Variants in FGD4 observed in about 807,000 individuals in gnomAD.
FGD4 encodes FYVE, RhoGEF and PH domain-containing protein 4.
Under a neutral mutation model 102.0 loss-of-function variants are expected in FGD4, and 42 were observed. The ratio of observed to expected loss-of-function variants is 0.41; its 90% confidence interval spans 0.32 to 0.53. The LOEUF (loss-of-function observed/expected upper bound fraction) is 0.53, where lower values mean the gene tolerates loss of function less well. Ranked by LOEUF, FGD4 falls within the 20% of genes least tolerant of loss-of-function variation. The pLI is 0.21. For synonymous variants in FGD4, 380 were observed against 375.7 expected (o/e 1.01, Z -0.13); for missense variants, 902 against 1,078.2 (o/e 0.84, Z 2.29).
chr12:32,483,520 C>CAA (rs35048543), intron 1 of FGD4, among the ~76,000 whole-genome samples: 463 of 152,164 alleles, frequency 3.0e-3, no homozygotes, highest in Middle Eastern at 6.8e-3. Context: ...TCCAAACTGC[C>CAA]AAAACATTGA....
intron 1 of FGD4, among the ~76,000 whole-genome samples, chr12:32,547,933 T>C (rs1186618026): frequency 6.6e-6 from 1 of 152,206 alleles, no homozygotes; most frequent in Non-Finnish European, 1.5e-5. Flanking sequence ...CTCAAACTGC[T>C]GACCTCAAGT....
chr12:32,624,918 A>G, intron 12 of FGD4, 58 bp from the exon 13 acceptor site: 1 of 1,374,660 alleles, frequency 7.3e-7, no homozygotes. Flanking sequence ...GATAAAGTAT[A>G]TTCATTGGTT....
Position 32,576,466 on chromosome 12 carries a change from A to C in FGD4, c.503+17A>C, listed in dbSNP as rs1224435673. ...AGGAGGCAGGTAAGAGCTAATTTAC[A>C]ATGGGAGAAGGCAGGAGAAGAAGAA... is the stretch of plus-strand genomic sequence containing the variant. On this transcript the variant is annotated intron_variant, in intron 3 of 16. Transcript: ENST00000534526. 2 of 1,613,844 alleles carry C rather than the reference A, an allele frequency of 1.2e-6. No individual in the cohort carries two copies. The highest frequency in any genetic ancestry group is 1.7e-6 in the Non-Finnish European group (2 of 1,179,870).
At position 32,525,726 on chromosome 12, in the gene FGD4, A is replaced by G. The variant is rs532578970; in HGVS notation, c.167-38411A>G. Reference sequence around the variant, plus strand: ...CGTGTGGCGCTTGTGGGCCAGCTGGAGTTCCAGGTGGGCGTGGGCTTGGTG... The same window carrying G: ...CGTGTGGCGCTTGTGGGCCAGCTGGGGTTCCAGGTGGGCGTGGGCTTGGTG... On this transcript the variant is annotated intron_variant, in intron 1 of 16. Coordinates refer to ENST00000534526, the MANE Select transcript of FGD4 (RefSeq NM_001370298.3). Among the ~76,000 whole-genome samples, 13 of 152,294 alleles carry G rather than the reference A, an allele frequency of 8.5e-5. No homozygotes were observed. The South Asian group carries it at 2.1e-3, about 24-fold the overall frequency.
At chr12:32,564,365 A>G (rs1945009290) in intron 2 of FGD4, 76 bp downstream of exon 2, 1 of 1,478,798 alleles carries the variant, frequency 6.8e-7, no homozygotes, top group Non-Finnish European at 9.0e-7. Context: ...AATGATGGCC[A>G]CAAAGAAAGT....
At chr12:32,630,812 C>CA (rs530800673) in intron 14 of FGD4, among the ~76,000 whole-genome samples, 2,385 of 125,448 alleles carry the variant, frequency 0.019, 32 homozygotes, top group African/African-American at 0.024. Context: ...GAGACTATGT[C>CA]AAAAAAAAAA....
Position 32,594,929 on chromosome 12 carries a change from G to A in FGD4, c.1012-3568G>A, listed in dbSNP as rs143049251. Among the ~76,000 whole-genome samples, 6 of 152,010 alleles carry A rather than the reference G, an allele frequency of 3.9e-5. No individual in the cohort carries two copies. The East Asian group carries it at 5.8e-4, about 15-fold the overall frequency. ...ACGTGTAGTGTCAGCTGCTTGGGGGGCTGAGGCAGGAGAATTGCTTGAACC... is the reference window on the plus strand; with the variant it reads ...ACGTGTAGTGTCAGCTGCTTGGGGGACTGAGGCAGGAGAATTGCTTGAACC... On this transcript the variant is annotated intron_variant, in intron 4 of 16. Coordinates refer to ENST00000534526, the MANE Select transcript of FGD4 (RefSeq NM_001370298.3).
chr12:32,493,215 G>A (rs569388428), intron 1 of FGD4, among the ~76,000 whole-genome samples: 1 of 152,180 alleles, frequency 6.6e-6, no homozygotes, highest in African/African-American at 2.4e-5. Flanking sequence ...CAGAAAAAAG[G>A]GTTTTTGTTT....
chr12:32,638,824 C>A (rs1289148671), intron 16 of FGD4, 29 bp downstream of exon 16: 1 of 1,613,482 alleles, frequency 6.2e-7, no homozygotes, highest in Non-Finnish European at 8.5e-7. Context: ...TCTGAAGGGA[C>A]AGATGCCCTT....
intron 2 of FGD4, among the ~76,000 whole-genome samples, chr12:32,575,599 G>T (rs1266593585): frequency 6.6e-6 from 1 of 152,136 alleles, no homozygotes; most frequent in East Asian, 1.9e-4. Flanking sequence ...AAATATCCAA[G>T]CCTGTAGCAC....
At chr12:32,636,594 A>G (rs1453341827) in intron 15 of FGD4, among the ~76,000 whole-genome samples, 1 of 152,040 alleles carries the variant, frequency 6.6e-6, no homozygotes, top group Admixed American at 6.6e-5. Flanking sequence ...ACTATCACAG[A>G]TCAGTGTTTT....
chr12:32,485,601 T>C (rs990640237), intron 1 of FGD4, among the ~76,000 whole-genome samples: 5 of 151,686 alleles, frequency 3.3e-5, no homozygotes, highest in Admixed American at 2.6e-4. Context: ...CCACCACGCC[T>C]GGCTAATTTT....
intron 4 of FGD4, among the ~76,000 whole-genome samples, chr12:32,591,547 G>A (rs896744632): frequency 2.6e-5 from 4 of 152,188 alleles, no homozygotes; most frequent in Admixed American, 2.0e-4. Flanking sequence ...CCCCGACTTG[G>A]TAGCTTCGAG....
At chr12:32,581,094 G>T (rs981383888) in intron 3 of FGD4, among the ~76,000 whole-genome samples, 1 of 152,268 alleles carries the variant, frequency 6.6e-6, no homozygotes, top group East Asian at 1.9e-4. Context: ...TGTGATACCT[G>T]AACAGAACCC....
At chr12:32,403,741 C>T (rs193211146) in intron 1 of FGD4, among the ~76,000 whole-genome samples, 1,536 of 152,010 alleles carry the variant, frequency 0.01, 23 homozygotes, top group Non-Finnish European at 0.013. Context: ...GGACTACAGG[C>T]ACACACCACC....
chr12:32,631,961 A>G (rs1950524851), intron 14 of FGD4, among the ~76,000 whole-genome samples: 1 of 152,246 alleles, frequency 6.6e-6, no homozygotes, highest in Non-Finnish European at 1.5e-5. Flanking sequence ...AAAATAAACA[A>G]AATGGATGGT....
chr12:32,403,721 C>T (rs1445215368), intron 1 of FGD4, among the ~76,000 whole-genome samples: 6 of 151,896 alleles, frequency 4.0e-5, no homozygotes, highest in African/African-American at 1.4e-4. Flanking sequence ...CTCAGCCTCC[C>T]TAGTAGCTGG....
rs951152904 is a variant in FGD4 at position 32,506,401 on chromosome 12, A to G, written c.167-57736A>G. On this transcript the variant is annotated intron_variant, in intron 1 of 16. Coordinates refer to ENST00000534526, the MANE Select transcript of FGD4 (RefSeq NM_001370298.3). This position sits in a 1 kb window ranked among gnomAD's most constrained non-coding sequence, Gnocchi z 4.5. ...TCTAGCCCTATCTATATGTGAAGTA[A>G]AATGATCAGAGTGCTGCCTAGTCAC... Among the ~76,000 whole-genome samples the G allele has an allele frequency of 6.6e-6, 1 of 152,186 alleles. No individual in the cohort carries two copies. Among genetic ancestry groups the G allele is most frequent in the East Asian group, 1.9e-4 (1 of 5,190 alleles).
intron 1 of FGD4, among the ~76,000 whole-genome samples, chr12:32,518,164 C>A (rs1011553979): frequency 6.6e-6 from 1 of 152,178 alleles, no homozygotes; most frequent in Non-Finnish European, 1.5e-5. Flanking sequence ...CTACTGCCTA[C>A]ATTCTAGGAG....
Sources: allele counts gnomAD v4.1 joint callset (sites outside exome capture counted in the v4.1 genomes callset), GRCh38; gene constraint gnomAD v4.1.1; non-coding constraint Gnocchi (gnomAD v3.1); transcripts MANE v1.5; gene names NCBI Gene and HGNC (gene_info 2026-07-23, HGNC 2026-07-21).